FHIT: variants seen among roughly 807,000 people sequenced by gnomAD.
The protein encoded by FHIT is bis(5'-adenosyl)-triphosphatase.
A neutral mutation model predicts 17.9 loss-of-function variants in FHIT; 19 were observed. The ratio of observed to expected loss-of-function variants is 1.06; its 90% CI spans 0.74 to 1.56. The LOEUF (loss-of-function observed/expected upper bound fraction) is 1.56. FHIT is among the 40% of genes most tolerant of loss of function. The pLI is 0.00. For missense variants in FHIT, 248 were observed against 189.2 expected (o/e 1.31, Z -1.82); for synonymous variants, 81 against 69.7 (o/e 1.16, Z -0.81).
At chr3:60,280,603 T>C (rs1707383603) in intron 5 of FHIT, among the ~76,000 whole-genome samples, 1 of 152,100 alleles carries the variant, frequency 6.6e-6, no homozygotes, top group Non-Finnish European at 1.5e-5. Flanking sequence ...TATATGGAGC[T>C]ACCAGAAGCT....
At chr3:59,986,516 T>TTTATATTTATACATTTATATAA (rs1559523339) in intron 7 of FHIT, among the ~76,000 whole-genome samples, 483 of 24,724 alleles carry the variant, frequency 0.02, 36 homozygotes, top group East Asian at 0.05. Flanking sequence ...TATATATATA[T>TTTATATTTATACATTTATATAA]ATATATATAT....
At chr3:60,635,615 C>A (rs2039563861) in intron 4 of FHIT, among the ~76,000 whole-genome samples, 1 of 152,156 alleles carries the variant, frequency 6.6e-6, no homozygotes, top group South Asian at 2.1e-4. Context: ...GTAGATACTC[C>A]ATAAATATTT....
chr3:60,132,963 T>C (rs890615582), intron 5 of FHIT, among the ~76,000 whole-genome samples: 5 of 152,118 alleles, frequency 3.3e-5, no homozygotes, highest in African/African-American at 1.2e-4. Context: ...CATACTGAAA[T>C]AGCATCTAAA....
intron 8 of FHIT, among the ~76,000 whole-genome samples, chr3:59,763,836 CAGAT>C (rs1474683646): frequency 6.6e-6 from 1 of 152,160 alleles, no homozygotes; most frequent in Non-Finnish European, 1.5e-5. Context: ...AGGAAGTTCT[CAGAT>C]AGAAGGTAGA....
chr3:61,139,614 AT>A (rs2037016845), intron 2 of FHIT, among the ~76,000 whole-genome samples: 1 of 152,252 alleles, frequency 6.6e-6, no homozygotes, highest in South Asian at 2.1e-4. Flanking sequence ...AGGCTGGAAA[AT>A]AAATAAATAA....
intron 3 of FHIT, among the ~76,000 whole-genome samples, chr3:61,010,202 A>C (rs530540759): frequency 2.2e-3 from 320 of 148,372 alleles, no homozygotes; most frequent in African/African-American, 7.6e-3. Flanking sequence ...TTGATTACCA[A>C]AAAAAAAAAA....
chr3:60,725,180 C>G (rs1183717472), intron 4 of FHIT, among the ~76,000 whole-genome samples: 1 of 152,126 alleles, frequency 6.6e-6, no homozygotes, highest in African/African-American at 2.4e-5. Context: ...TATTCATATT[C>G]TATCTCCAAG....
intron 5 of FHIT, among the ~76,000 whole-genome samples, chr3:60,226,598 A>C (rs1704216862): frequency 6.6e-6 from 1 of 152,130 alleles, no homozygotes; most frequent in Non-Finnish European, 1.5e-5. Context: ...AGCACTTTGG[A>C]AAAATGAAAA....
chr3:60,437,720 T>A (rs141871585), intron 5 of FHIT, among the ~76,000 whole-genome samples: 1,786 of 152,206 alleles, frequency 0.012, 19 homozygotes, highest in Middle Eastern at 0.031. Context: ...TTCTAAGATA[T>A]AAATTCATAT....
intron 4 of FHIT, among the ~76,000 whole-genome samples, chr3:60,663,355 T>C (rs2040307638): frequency 6.6e-6 from 1 of 151,750 alleles, no homozygotes; most frequent in East Asian, 1.9e-4. Flanking sequence ...TCCAAGTCTC[T>C]ACTCATTTAA....
At chr3:60,295,462 A>C (rs570502745) in intron 5 of FHIT, among the ~76,000 whole-genome samples, 1 of 152,132 alleles carries the variant, frequency 6.6e-6, no homozygotes, top group Non-Finnish European at 1.5e-5. Context: ...GACAGGAAGC[A>C]AGAGAGAGGG....
At chr3:60,945,999 C>A (rs1411107755) in intron 3 of FHIT, among the ~76,000 whole-genome samples, 3 of 152,108 alleles carry the variant, frequency 2.0e-5, no homozygotes, top group African/African-American at 4.8e-5. Flanking sequence ...AGGTGGAAAG[C>A]TGAATGAGGG....
intron 5 of FHIT, among the ~76,000 whole-genome samples, chr3:60,241,864 C>A (rs213390): frequency 0.53 from 80,957 of 151,854 alleles, 22,311 homozygotes; most frequent in East Asian, 0.81. Flanking sequence ...CTTTATTATT[C>A]TCTTGATCAT....
At chr3:60,936,330 GA>G (rs1408950069) in intron 3 of FHIT, among the ~76,000 whole-genome samples, 1 of 152,058 alleles carries the variant, frequency 6.6e-6, no homozygotes, top group Non-Finnish European at 1.5e-5. Context: ...TATTTAGCCA[GA>G]AAAAAAGTAG....
intron 5 of FHIT, among the ~76,000 whole-genome samples, chr3:60,043,671 G>GAT (rs1013741048): frequency 6.9e-6 from 1 of 144,488 alleles, no homozygotes; most frequent in Non-Finnish European, 1.6e-5. Context: ...GTTATAGATA[G>GAT]ACAGATAGAT....
intron 5 of FHIT, among the ~76,000 whole-genome samples, chr3:60,396,831 T>G (rs933574121): frequency 6.6e-6 from 1 of 152,108 alleles, no homozygotes; most frequent in Non-Finnish European, 1.5e-5. Flanking sequence ...AATGAAAAAA[T>G]AGAAAGTTTA....
intron 5 of FHIT, among the ~76,000 whole-genome samples, chr3:60,027,177 G>A (rs1191974742): frequency 1.4e-5 from 2 of 140,638 alleles, no homozygotes; most frequent in Non-Finnish European, 3.1e-5. Flanking sequence ...AATCCACAAA[G>A]ATCTATAAAA....
intron 8 of FHIT, among the ~76,000 whole-genome samples, chr3:59,780,685 A>G (rs1279692096): frequency 6.6e-6 from 1 of 152,220 alleles, no homozygotes; most frequent in Admixed American, 6.5e-5. Context: ...ATGAAGGACC[A>G]GAGCTCTTTC....
chr3:60,174,473 CTAAT>C, intron 5 of FHIT, among the ~76,000 whole-genome samples: 2 of 152,178 alleles, frequency 1.3e-5, no homozygotes, highest in Middle Eastern at 6.8e-3. Context: ...TCCCTGAAAA[CTAAT>C]TAACACTGTT....
Sources: allele counts gnomAD v4.1 joint callset (sites outside exome capture counted in the v4.1 genomes callset), GRCh38; gene constraint gnomAD v4.1.1; transcripts MANE v1.5; gene names NCBI Gene and HGNC (gene_info 2026-07-23, HGNC 2026-07-21).